The following CRIP2 variants were observed in gnomAD, a reference collection of about 807,000 sequenced individuals.
CRIP2 encodes cysteine-rich protein 2.
In CRIP2, 31 loss-of-function variants were observed where a neutral mutation model predicts 31.3. That is an observed-to-expected ratio of 0.99 (90% CI 0.74 to 1.34). The LOEUF is 1.34. Ranked by LOEUF, CRIP2 falls within the 40% of genes most tolerant of loss-of-function variation. The pLI is 0.00. For missense variants in CRIP2, 389 were observed against 301.6 expected (o/e 1.29, Z -2.15); for synonymous variants, 177 against 127.2 (o/e 1.39, Z -2.63).
In CRIP2 at chr14:105,474,990, T is replaced by G; in HGVS notation, c.43+85T>G. The G allele has an allele frequency of 7.5e-7, 1 of 1,325,350 alleles. No homozygotes were observed. The highest frequency in any genetic ancestry group is 9.7e-7 in the Non-Finnish European group (1 of 1,027,218). 82.1% of individuals were successfully genotyped at this position (1,325,350 alleles called of 1,614,324 possible). On this transcript the variant is annotated intron_variant, in intron 1 of 7. Coordinates refer to ENST00000329146, the MANE Select transcript of CRIP2 (RefSeq NM_001312.4). This position sits in a 1 kb window ranked among gnomAD's most constrained non-coding sequence, Gnocchi z 5.1. ...CCGCGCCGCAGAGCCGCGGCGTAACTCGGGGTGCGCCCGGCCCCGGCCCCG... is the reference window on the plus strand; with the variant it reads ...CCGCGCCGCAGAGCCGCGGCGTAACGCGGGGTGCGCCCGGCCCCGGCCCCG...
intron 1 of CRIP2, chr14:105,475,339 C>A (rs587698447): frequency 1.2e-3 from 187 of 161,692 alleles, no homozygotes; most frequent in Admixed American, 1.9e-3. Flanking sequence ...ACACCCGCTT[C>A]CCCCGGGAAC....
At chr14:105,475,945 C>T in intron 1 of CRIP2, 1 of 985,548 alleles carries the variant, frequency 1.0e-6, no homozygotes, top group Non-Finnish European at 1.2e-6. Flanking sequence ...CAGGGAAGGC[C>T]GCCACTGGGC....
In CRIP2 at chr14:105,478,396, G is replaced by C; in HGVS notation, c.138+36G>C. ...CTGCGCGGCGCGGGCGGGGGCGGGG[G>C]TCGCGACTCCCGCCACCCTCAGGCA... On this transcript the variant is annotated intron_variant, in intron 2 of 7. Coordinates refer to ENST00000329146, the MANE Select transcript of CRIP2 (RefSeq NM_001312.4). The surrounding 1 kb of genome is among the most constrained non-coding windows in gnomAD (Gnocchi z 4.9). 6.3e-7 allele frequency: 1 copy of C among 1,576,568 alleles called. No homozygotes were observed. Among genetic ancestry groups the C allele is most frequent in the Non-Finnish European group, 8.6e-7 (1 of 1,165,212 alleles).
chr14:105,478,212 A>AG lies in CRIP2; in HGVS notation c.44-49dup. 4 of 1,361,166 alleles carry AG rather than the reference A, an allele frequency of 2.9e-6. No homozygotes were observed. Among genetic ancestry groups the AG allele is most frequent in the Non-Finnish European group, 3.9e-6 (4 of 1,033,836 alleles). The allele number at this position is 1,361,166 out of a possible 1,614,324, so 84.3% of individuals were successfully genotyped here. A position where few individuals can be genotyped will look rare whatever the true frequency, so the allele number is the denominator to read the frequency against. On this transcript the variant is annotated intron_variant, in intron 1 of 7. Coordinates refer to ENST00000329146, the MANE Select transcript of CRIP2 (RefSeq NM_001312.4). This position sits in a 1 kb window ranked among gnomAD's most constrained non-coding sequence, Gnocchi z 4.9. ...GGTGGTGGCTGCCAGGTGGGGGCGGAGGGGGTGCGGGGCGCGCCCCGGCCC... is the reference window on the plus strand; with the variant it reads ...GGTGGTGGCTGCCAGGTGGGGGCGGAGGGGGGTGCGGGGCGCGCCCCGGCCC...
At chr14:105,475,411 A>G in intron 1 of CRIP2, 1 of 151,748 alleles carries the variant, frequency 6.6e-6, no homozygotes, top group East Asian at 1.9e-4. Context: ...GGGCTGGGCC[A>G]GGTTTGGACT....
Position 105,478,915 on chromosome 14 carries a change from G to A in CRIP2, c.337+44G>A, listed in dbSNP as rs998215888. On this transcript the variant is annotated intron_variant, in intron 4 of 7. Transcript: ENST00000329146. This position sits in a 1 kb window ranked among gnomAD's most constrained non-coding sequence, Gnocchi z 4.9. ...GGGGCTGGGGGTTGTGGGCACGCGC[G>A]GGCTGGGGCTGGGGGTTGTGGGCAC... The A allele has an allele frequency of 1.3e-6, 2 of 1,496,768 alleles. No homozygotes were observed. The highest frequency in any genetic ancestry group is 1.4e-5 in the African/African-American group (1 of 70,144). The allele number at this position is 1,496,768 out of a possible 1,614,324, so 92.7% of individuals were successfully genotyped here.
chr14:105,476,020 G>A, intron 1 of CRIP2: 1 of 985,530 alleles, frequency 1.0e-6, no homozygotes, highest in Non-Finnish European at 1.2e-6. Flanking sequence ...CAGAGGGGAG[G>A]GACCGGATTT....
rs374234792 is a variant in CRIP2, at chr14:105,479,439, G to A, written c.505G>A (p.Asp169Asn). The change falls in exon 7 of 8, where the codon GAC becomes AAC. Residue 169 changes from aspartate to asparagine, a missense_variant. Coordinates refer to ENST00000329146, the MANE Select transcript of CRIP2 (RefSeq NM_001312.4). Reference sequence around the variant, plus strand: ...CAGCACCCACCTTCTGCCCCAGCACGACGGCCAGCCCTACTGCCACAAGCC... The same window carrying A: ...CAGCACCCACCTTCTGCCCCAGCACAACGGCCAGCCCTACTGCCACAAGCC... ...TLTPGGHAEHDGQPYCHKPCY... is the reference protein window; with the variant it reads ...TLTPGGHAEHNGQPYCHKPCY... The A allele has an allele frequency of 3.5e-5, 57 of 1,612,608 alleles. No homozygotes were observed. Among genetic ancestry groups the A allele is most frequent in the African/African-American group, 1.3e-5 (1 of 74,912 alleles).
At position 105,478,689 on chromosome 14, in the gene CRIP2, C is replaced by A; in HGVS notation, c.197-42C>A. 1 of 1,446,174 alleles carries A rather than the reference C, an allele frequency of 6.9e-7. No individual in the cohort carries two copies. Among genetic ancestry groups the A allele is most frequent in the Non-Finnish European group, 9.1e-7 (1 of 1,101,510 alleles). The allele number at this position is 1,446,174 out of a possible 1,614,324, so 89.6% of individuals were successfully genotyped here. ...TTCTGAGATGCCCGGTGGCCGCGGC[C>A]CCCACCCCACGTACCCCCGCCCCAC... On this transcript the variant is annotated intron_variant, in intron 3 of 7. Transcript: ENST00000329146. This position sits in a 1 kb window ranked among gnomAD's most constrained non-coding sequence, Gnocchi z 4.9.
Position 105,478,911 on chromosome 14 carries a change from G to A in CRIP2, c.337+40G>A. 4 of 1,490,714 alleles carry A rather than the reference G, an allele frequency of 2.7e-6. No homozygotes were observed. Among genetic ancestry groups the A allele is most frequent in the Non-Finnish European group, 3.5e-6 (4 of 1,127,332 alleles). The allele number at this position is 1,490,714 out of a possible 1,614,324, so 92.3% of individuals were successfully genotyped here. A position where few individuals can be genotyped will look rare whatever the true frequency, so the allele number is the denominator to read the frequency against. On this transcript the variant is annotated intron_variant, in intron 4 of 7. Transcript: ENST00000329146. This position sits in a 1 kb window ranked among gnomAD's most constrained non-coding sequence, Gnocchi z 4.9. ...GGCTGGGGCTGGGGGTTGTGGGCAC[G>A]CGCGGGCTGGGGCTGGGGGTTGTGG...
At position 105,474,834 on chromosome 14, in the gene CRIP2, AG is replaced by A. The variant is rs2083897118; in HGVS notation, c.-26del. The A allele has an allele frequency of 2.8e-6, 4 of 1,439,552 alleles. No homozygotes were observed. Among genetic ancestry groups the A allele is most frequent in the Non-Finnish European group, 3.7e-6 (4 of 1,086,416 alleles). 89.2% of individuals were successfully genotyped at this position (1,439,552 alleles called of 1,614,324 possible). A position where few individuals can be genotyped will look rare whatever the true frequency, so the allele number is the denominator to read the frequency against. On this transcript the variant is annotated 5_prime_UTR_variant, in exon 1 of 8. Transcript: ENST00000329146. This position sits in a 1 kb window ranked among gnomAD's most constrained non-coding sequence, Gnocchi z 5.1. ...CGGCGGCCCGGAGGAGAACGGGCGG[AG>A]GGCGCGGGCCGACCGGGCGCACCGA...
Position 105,480,076 on chromosome 14 carries a change from C to T in CRIP2, c.*423C>T, listed in dbSNP as rs1421588992. On this transcript the variant is annotated 3_prime_UTR_variant, in exon 8 of 8. Transcript: ENST00000329146. The stretch of plus-strand genomic sequence containing the variant: ...CCCTCCGGGATCCCCTGCCTGGTGC[C>T]CACACTGCCTCGCAAGCGCTCGCCA... 4.8e-6 allele frequency: 1 copy of T among 206,540 alleles called. No individual in the cohort carries two copies. The highest frequency in any genetic ancestry group is 1.3e-4 in the East Asian group (1 of 7,560). The allele number at this position is 206,540 out of a possible 1,614,324, so 12.8% of individuals were successfully genotyped here.
chr14:105,475,209 TC>T (rs2083906664), intron 1 of CRIP2: 4 of 293,566 alleles, frequency 1.4e-5, no homozygotes, highest in Admixed American at 5.3e-5. Flanking sequence ...CGCTCGGGGA[TC>T]CGCGGACGCA....
chr14:105,476,612 C>T (rs2083937750), intron 1 of CRIP2: 12 of 985,496 alleles, frequency 1.2e-5, no homozygotes, highest in Non-Finnish European at 1.4e-5. Flanking sequence ...ACTTGGCCCA[C>T]GTCCCAGAGC....
In CRIP2 at chr14:105,479,968, G is replaced by A; in HGVS notation, c.*315G>A. ...TGGCGCTGTCCGCTCTCCCTCTCCTGCTGCCCACCCACCTGCCAGTGTTAT... is the reference window on the plus strand; with the variant it reads ...TGGCGCTGTCCGCTCTCCCTCTCCTACTGCCCACCCACCTGCCAGTGTTAT... On this transcript the variant is annotated 3_prime_UTR_variant, in exon 8 of 8. Coordinates refer to ENST00000329146, the MANE Select transcript of CRIP2 (RefSeq NM_001312.4). The A allele has an allele frequency of 2.5e-6, 1 of 393,920 alleles. No individual in the cohort carries two copies. The highest frequency in any genetic ancestry group is 4.7e-6 in the Non-Finnish European group (1 of 212,126). The allele number at this position is 393,920 out of a possible 1,614,324, so 24.4% of individuals were successfully genotyped here.
intron 1 of CRIP2, chr14:105,476,753 G>C (rs1480971134): frequency 6.1e-6 from 6 of 985,452 alleles, no homozygotes; most frequent in East Asian, 1.1e-4. Context: ...GTGTGTCCCA[G>C]CTTCCTTGAG....
chr14:105,479,618 T>G lies in CRIP2; in HGVS notation c.592T>G (p.Tyr198Asp), dbSNP rs2084046534. 2 of 1,612,660 alleles carry G rather than the reference T, an allele frequency of 1.2e-6. No homozygotes were observed. The highest frequency in any genetic ancestry group is 8.5e-7 in the Non-Finnish European group (1 of 1,179,944). ...VNTGAVGSYI[Y>D]DRDPEGKVQP ...CACCGGTGCGGTGGGCAGCTACATCTATGACCGGGACCCCGAAGGCAAGGT... is the reference window on the plus strand; with the variant it reads ...CACCGGTGCGGTGGGCAGCTACATCGATGACCGGGACCCCGAAGGCAAGGT... Residue 198 changes from tyrosine (Y) to aspartate (D), a missense_variant, in exon 8 of 8, where the codon TAT becomes GAT. By Grantham distance (160) the Tyr-to-Asp change is radical. Transcript: ENST00000329146.
chr14:105,476,787 T>C, intron 1 of CRIP2: 1 of 984,368 alleles, frequency 1.0e-6, no homozygotes, highest in Non-Finnish European at 1.2e-6. Context: ...GTCAGAGGGC[T>C]CTAAGCTGGT....
chr14:105,473,320 A>C, upstream of CRIP2: 1 of 154,738 alleles, frequency 6.5e-6, no homozygotes, highest in Non-Finnish European at 1.1e-5. Flanking sequence ...CAGGCTGGTC[A>C]GTCGGGCGGG....
Sources: allele counts gnomAD v4.1 joint callset, GRCh38; gene constraint gnomAD v4.1.1; non-coding constraint Gnocchi (gnomAD v3.1); transcripts MANE v1.5; gene names NCBI Gene and HGNC (gene_info 2026-07-23, HGNC 2026-07-21).